RGS7: variants seen among roughly 807,000 people sequenced by gnomAD.
RGS7 encodes the protein regulator of G-protein signaling 7.
RGS7 carries 27 observed loss-of-function variants against 81.1 expected under a neutral mutation model. The ratio of observed to expected loss-of-function variants is 0.33; its 90% confidence interval spans 0.25 to 0.46. The LOEUF is 0.46. Among genes scored for constraint, RGS7 ranks in the 20% least tolerant of loss-of-function variants. RGS7 has a pLI of 1.00. For missense variants in RGS7, 396 were observed against 607.4 expected (o/e 0.65, Z 3.66); for synonymous variants, 208 against 207.7 (o/e 1.00, Z -0.01).
chr1:240,973,731 A>C (rs1214461206), intron 4 of RGS7, among the ~76,000 whole-genome samples: 1 of 151,766 alleles, frequency 6.6e-6, no homozygotes, highest in Non-Finnish European at 1.5e-5. Flanking sequence ...CTGGGACTAC[A>C]GGGGCCCACC....
chr1:241,225,106 T>A (rs1047711009), intron 2 of RGS7, among the ~76,000 whole-genome samples: 1 of 152,186 alleles, frequency 6.6e-6, no homozygotes, highest in African/African-American at 2.4e-5. Context: ...TCCCAAATAG[T>A]GGACATTGTA....
At chr1:240,916,294 T>G (rs1490777901) in intron 6 of RGS7, among the ~76,000 whole-genome samples, 10 of 117,454 alleles carry the variant, frequency 8.5e-5, no homozygotes, top group Non-Finnish European at 1.4e-4. Context: ...AAAAAAAAAA[T>G]AGAGAGAGAA....
At chr1:240,790,276 G>T (rs1421363701) in intron 18 of RGS7, among the ~76,000 whole-genome samples, 2 of 151,872 alleles carry the variant, frequency 1.3e-5, no homozygotes, top group Admixed American at 1.3e-4. Flanking sequence ...AAAAAGGAAA[G>T]AAATAAAAAA....
At chr1:240,848,798 T>C (rs950901145) in intron 9 of RGS7, among the ~76,000 whole-genome samples, 1 of 152,132 alleles carries the variant, frequency 6.6e-6, no homozygotes, top group African/African-American at 2.4e-5. Context: ...ATGTATAACA[T>C]TTGAATGCCA....
rs1186518841 is a variant in RGS7 at position 241,011,499 on chromosome 1, C to T, written c.176-28370G>A. Reference sequence around the variant, plus strand: ...AGAATTAAGTTGTCTGCTGGGGGCTCTCCACAGTGTGGATTGAGGGACCTT... The same window carrying T: ...AGAATTAAGTTGTCTGCTGGGGGCTTTCCACAGTGTGGATTGAGGGACCTT... On this transcript the variant is annotated intron_variant, in intron 3 of 18. Coordinates refer to ENST00000440928, the MANE Select transcript of RGS7 (RefSeq NM_001364886.1). Among the ~76,000 whole-genome samples the T allele has an allele frequency of 5.3e-5, 8 of 152,276 alleles. No homozygotes were observed. In the East Asian group the frequency reaches 1.5e-3, roughly 29 times the overall value.
At chr1:240,912,138 G>A (rs766114029) in intron 6 of RGS7, among the ~76,000 whole-genome samples, 47 of 113,376 alleles carry the variant, frequency 4.1e-4, no homozygotes, top group African/African-American at 1.5e-3. Context: ...GCGACACAGC[G>A]AGATTCTGTC....
intron 6 of RGS7, chr1:240,920,198 G>C: frequency 9.0e-7 from 1 of 1,115,798 alleles, no homozygotes; most frequent in Non-Finnish European, 1.3e-6. Flanking sequence ...CCCTGTCAAA[G>C]CAAGAGATAG....
intron 2 of RGS7, among the ~76,000 whole-genome samples, chr1:241,278,052 T>C (rs2078290171): frequency 6.6e-6 from 1 of 152,238 alleles, no homozygotes; most frequent in African/African-American, 2.4e-5. Flanking sequence ...TTTTGCCCGC[T>C]GTTCTCAGTG....
At chr1:241,236,877 G>A (rs1266392944) in intron 2 of RGS7, among the ~76,000 whole-genome samples, 3 of 152,100 alleles carry the variant, frequency 2.0e-5, no homozygotes, top group African/African-American at 7.2e-5. Flanking sequence ...TACATTCTAG[G>A]AGTAAAACCT....
At chr1:240,803,238 A>G (rs1688292091) in intron 15 of RGS7, among the ~76,000 whole-genome samples, 1 of 152,200 alleles carries the variant, frequency 6.6e-6, no homozygotes, top group African/African-American at 2.4e-5. Context: ...CATTACAAAA[A>G]TGGAATTTGA....
chr1:241,262,849 C>G (rs1296864782), intron 2 of RGS7, among the ~76,000 whole-genome samples: 1 of 152,070 alleles, frequency 6.6e-6, no homozygotes, highest in Non-Finnish European at 1.5e-5. Flanking sequence ...GCCTGTAATT[C>G]CAGCACTTTG....
chr1:240,791,384 C>G (rs10158110), intron 18 of RGS7, among the ~76,000 whole-genome samples: 1 of 152,064 alleles, frequency 6.6e-6, no homozygotes, highest in African/African-American at 2.4e-5. Context: ...CAAAAACATA[C>G]GAAAAATTTA....
intron 2 of RGS7, among the ~76,000 whole-genome samples, chr1:241,201,764 G>A (rs1348836159): frequency 2.0e-5 from 3 of 152,066 alleles, no homozygotes; most frequent in Non-Finnish European, 4.4e-5. Flanking sequence ...TTAGAGATGA[G>A]AAACTTGGTC....
chr1:241,092,556 C>G (rs1007977044), intron 3 of RGS7, among the ~76,000 whole-genome samples: 1 of 152,082 alleles, frequency 6.6e-6, no homozygotes, highest in African/African-American at 2.4e-5. Context: ...ATATTTTTAG[C>G]TATATAGTTA....
chr1:241,092,849 C>T (rs1441994746), intron 3 of RGS7, among the ~76,000 whole-genome samples: 1 of 132,420 alleles, frequency 7.6e-6, no homozygotes, highest in African/African-American at 3.4e-5. Context: ...AAAAGAACAA[C>T]AATAAAAGAT....
At chr1:241,317,377 C>G (rs1379336139) in intron 2 of RGS7, among the ~76,000 whole-genome samples, 1 of 152,208 alleles carries the variant, frequency 6.6e-6, no homozygotes, top group Non-Finnish European at 1.5e-5. Flanking sequence ...TGAAATACTA[C>G]AAGCCAGCTC....
intron 2 of RGS7, among the ~76,000 whole-genome samples, chr1:241,215,502 AGAG>A (rs1252667512): frequency 6.6e-6 from 1 of 152,148 alleles, no homozygotes; most frequent in Non-Finnish European, 1.5e-5. Flanking sequence ...CAAGGACTTG[AGAG>A]GAGTTTACGT....
chr1:240,980,882 G>C (rs1351572733), intron 4 of RGS7, among the ~76,000 whole-genome samples: 1 of 152,028 alleles, frequency 6.6e-6, no homozygotes, highest in African/African-American at 2.4e-5. Context: ...GTTCCTTCCT[G>C]GATACATTTG....
chr1:241,000,532 T>G (rs1049303467), intron 3 of RGS7, among the ~76,000 whole-genome samples: 7 of 152,248 alleles, frequency 4.6e-5, no homozygotes, highest in Admixed American at 4.6e-4. Flanking sequence ...AATTAGGTTG[T>G]AAGATGGTAA....
Sources: allele counts gnomAD v4.1 joint callset (sites outside exome capture counted in the v4.1 genomes callset), GRCh38; gene constraint gnomAD v4.1.1; transcripts MANE v1.5; gene names NCBI Gene and HGNC (gene_info 2026-07-23, HGNC 2026-07-21).